Variants in DTNBP1 observed in about 807,000 individuals in gnomAD.
DTNBP1 encodes dysbindin.
Under a neutral mutation model 42.8 loss-of-function variants are expected in DTNBP1, and 35 were observed. The observed-to-expected ratio is 0.82, with a 90% CI of 0.63 to 1.09. The LOEUF (loss-of-function observed/expected upper bound fraction) is 1.09, where lower values mean the gene tolerates loss of function less well. Ranked by LOEUF, DTNBP1 falls within the 50% of genes least tolerant of loss-of-function variation. The pLI, the probability that DTNBP1 is intolerant of heterozygous loss-of-function variation, is 0.00. For missense variants in DTNBP1, 457 were observed against 424.2 expected (o/e 1.08, Z -0.68); for synonymous variants, 171 against 162.2 (o/e 1.05, Z -0.41).
chr6:15,611,717 T>A (rs1377615805), intron 6 of DTNBP1, among the ~76,000 whole-genome samples: 1 of 152,204 alleles, frequency 6.6e-6, no homozygotes, highest in African/African-American at 2.4e-5. Flanking sequence ...GGTTCAAGAT[T>A]TCTGTGAAGG....
Position 15,522,839 on chromosome 6 carries a change from C to CT in DTNBP1, c.*135dup, listed in dbSNP as rs1200917742. On this transcript the variant is annotated 3_prime_UTR_variant, in exon 10 of 10. Coordinates refer to ENST00000344537, the MANE Select transcript of DTNBP1 (RefSeq NM_032122.5). ...TCCTCACACTTTATTGTTAGCTGTT[C>CT]TTTAAGTTTCTCACACATTATTGGC... 8 of 1,477,642 alleles carry CT rather than the reference C, an allele frequency of 5.4e-6. No individual in the cohort carries two copies. Among genetic ancestry groups the CT allele is most frequent in the Non-Finnish European group, 6.5e-6 (7 of 1,069,852 alleles). 91.5% of individuals were successfully genotyped at this position (1,477,642 alleles called of 1,614,324 possible).
chr6:15,575,102 C>A (rs1775505510), intron 7 of DTNBP1, among the ~76,000 whole-genome samples: 1 of 152,178 alleles, frequency 6.6e-6, no homozygotes, highest in Non-Finnish European at 1.5e-5. Context: ...GAATCCACTA[C>A]AGGAAAGCCA....
At chr6:15,609,277 T>C (rs1758258230) in intron 6 of DTNBP1, among the ~76,000 whole-genome samples, 1 of 152,002 alleles carries the variant, frequency 6.6e-6, no homozygotes, top group African/African-American at 2.4e-5. Context: ...CAAAATGGGC[T>C]CTTACAAGAT....
At chr6:15,589,666 T>C (rs1388153873) in intron 7 of DTNBP1, among the ~76,000 whole-genome samples, 1 of 152,214 alleles carries the variant, frequency 6.6e-6, no homozygotes, top group African/African-American at 2.4e-5. Context: ...ATTTAATCCT[T>C]CCATGTCAAC....
intron 1 of DTNBP1, among the ~76,000 whole-genome samples, chr6:15,660,873 C>T (rs1056259103): frequency 1.3e-5 from 2 of 152,258 alleles, no homozygotes; most frequent in South Asian, 2.1e-4. Flanking sequence ...CCATGAAGTA[C>T]TAACAGGAGA....
rs1470418259 is a variant in DTNBP1, at chr6:15,617,748, G to C, written c.356-2349C>G. ...CTCATAATGGACTAAAGACTTAAAT[G>C]TAAGAGCTGAAACCATGAAACTACT... On this transcript the variant is annotated intron_variant, in intron 5 of 9. Coordinates refer to ENST00000344537, the MANE Select transcript of DTNBP1 (RefSeq NM_032122.5). 2.0e-5 allele frequency among the ~76,000 whole-genome samples: 3 copies of C among 152,150 alleles called. No homozygotes were observed. The East Asian group carries it at 5.8e-4, about 29-fold the overall frequency.
chr6:15,528,150 C>A (rs978042962), intron 8 of DTNBP1, among the ~76,000 whole-genome samples: 1 of 152,178 alleles, frequency 6.6e-6, no homozygotes, highest in East Asian at 1.9e-4. Flanking sequence ...TACCAACGGA[C>A]AAGACCCCAA....
chr6:15,600,672 A>G (rs1776694243), intron 6 of DTNBP1, among the ~76,000 whole-genome samples: 1 of 152,230 alleles, frequency 6.6e-6, no homozygotes, highest in Admixed American at 6.5e-5. Flanking sequence ...CAGAAAGGCA[A>G]GGACAGAGTC....
At chr6:15,645,796 T>C (rs774054043) in intron 3 of DTNBP1, among the ~76,000 whole-genome samples, 25 of 152,036 alleles carry the variant, frequency 1.6e-4, no homozygotes, top group Non-Finnish European at 3.1e-4. Flanking sequence ...CTGAAAATAC[T>C]AAGAGCCATA....
chr6:15,531,349 ACT>A (rs1438926986), intron 8 of DTNBP1, among the ~76,000 whole-genome samples: 2 of 152,092 alleles, frequency 1.3e-5, no homozygotes. Flanking sequence ...ATGGGAAGCC[ACT>A]CTCTACAATT....
At chr6:15,537,239 T>TAAAACCC (rs1167807690) in intron 7 of DTNBP1, among the ~76,000 whole-genome samples, 60 of 151,748 alleles carry the variant, frequency 4.0e-4, no homozygotes, top group Middle Eastern at 3.4e-3. Context: ...ACTAACATGG[T>TAAAACCC]GGTCATGTAT....
At chr6:15,627,957 A>C (rs568849637) in intron 4 of DTNBP1, among the ~76,000 whole-genome samples, 1 of 152,346 alleles carries the variant, frequency 6.6e-6, no homozygotes, top group Non-Finnish European at 1.5e-5. Flanking sequence ...AAACAGGAAT[A>C]CTTATTGCAT....
chr6:15,582,348 A>G (rs6926622), intron 7 of DTNBP1, among the ~76,000 whole-genome samples: 1 of 152,064 alleles, frequency 6.6e-6, no homozygotes, highest in South Asian at 2.1e-4. Context: ...GACTTGTTTA[A>G]CTCTCTAAGT....
intron 1 of DTNBP1, among the ~76,000 whole-genome samples, chr6:15,656,051 T>C (rs890450617): frequency 2.0e-5 from 3 of 152,314 alleles, no homozygotes; most frequent in African/African-American, 7.2e-5. Context: ...GCCATGAGAA[T>C]TGAATAAAAT....
chr6:15,561,104 T>C (rs146371138), intron 7 of DTNBP1, among the ~76,000 whole-genome samples: 101 of 152,326 alleles, frequency 6.6e-4, no homozygotes, highest in African/African-American at 2.4e-3. Flanking sequence ...GTCTGTTGTT[T>C]TTGAGTTTTT....
At chr6:15,568,945 G>A (rs1001201398) in intron 7 of DTNBP1, among the ~76,000 whole-genome samples, 8 of 152,310 alleles carry the variant, frequency 5.3e-5, no homozygotes, top group African/African-American at 1.9e-4. Flanking sequence ...TGGGAATGGG[G>A]TCAGTCCCCT....
At chr6:15,638,447 G>GA (rs1038124874) in intron 3 of DTNBP1, among the ~76,000 whole-genome samples, 6 of 151,456 alleles carry the variant, frequency 4.0e-5, no homozygotes, top group Middle Eastern at 3.4e-3. Context: ...GAAATGATGA[G>GA]AAAAAAAATC....
intron 7 of DTNBP1, among the ~76,000 whole-genome samples, chr6:15,542,851 A>G (rs186700101): frequency 5.7e-4 from 86 of 151,922 alleles, no homozygotes; most frequent in Non-Finnish European, 8.7e-4. Flanking sequence ...AGATGTGCAC[A>G]ACCACACCTG....
chr6:15,575,035 A>T (rs1410777066), intron 7 of DTNBP1, among the ~76,000 whole-genome samples: 2 of 152,236 alleles, frequency 1.3e-5, no homozygotes, highest in East Asian at 3.8e-4. Flanking sequence ...ATACTAGCCC[A>T]AACTGTCCTA....
Sources: allele counts gnomAD v4.1 joint callset (sites outside exome capture counted in the v4.1 genomes callset), GRCh38; gene constraint gnomAD v4.1.1; transcripts MANE v1.5; gene names NCBI Gene and HGNC (gene_info 2026-07-23, HGNC 2026-07-21).